PDE7B: variants seen among roughly 807,000 people sequenced by gnomAD.
The protein encoded by PDE7B is 3',5'-cyclic-AMP phosphodiesterase 7B.
Under a neutral mutation model 56.2 loss-of-function variants are expected in PDE7B, and 29 were observed. The observed-to-expected ratio is 0.52, with a 90% CI of 0.38 to 0.70. PDE7B has a LOEUF of 0.70. Ranked by LOEUF, PDE7B falls within the 30% of genes least tolerant of loss-of-function variation. The pLI is 0.00. For synonymous variants in PDE7B, 197 were observed against 196.9 expected (o/e 1.00, Z 0.00); for missense variants, 490 against 565.0 (o/e 0.87, Z 1.35).
chr6:135,861,562 AT>A (rs1375639744), intron 1 of PDE7B, among the ~76,000 whole-genome samples: 2 of 150,480 alleles, frequency 1.3e-5, no homozygotes, highest in Non-Finnish European at 3.0e-5. Context: ...TGTTATATAT[AT>A]TACAAACATT....
At position 136,173,944 on chromosome 6, in the gene PDE7B, T is replaced by G. The variant is rs1778934590; in HGVS notation, c.803+56T>G. ...GTGCATGCAGTAAAGATAAGCCACT[T>G]TCTCTAGGGCAGGCTTGGGACCTTT... On this transcript the variant is annotated intron_variant, in intron 9 of 12. Coordinates refer to ENST00000308191, the MANE Select transcript of PDE7B (RefSeq NM_018945.4). The G allele has an allele frequency of 2.4e-6, 3 of 1,269,014 alleles. No individual in the cohort carries two copies. The Admixed American group carries it at 5.1e-5, about 21-fold the overall frequency. 78.6% of individuals were successfully genotyped at this position (1,269,014 alleles called of 1,614,324 possible).
intron 2 of PDE7B, among the ~76,000 whole-genome samples, chr6:136,049,918 G>A (rs1776594884): frequency 6.7e-6 from 1 of 148,598 alleles, no homozygotes; most frequent in Admixed American, 6.7e-5. Flanking sequence ...ATGGGTCTTT[G>A]AGAGGATCTA....
intron 1 of PDE7B, among the ~76,000 whole-genome samples, chr6:135,889,441 T>C (rs1294103550): frequency 1.2e-5 from 1 of 80,134 alleles, no homozygotes; most frequent in Non-Finnish European, 2.0e-5. Flanking sequence ...GTGCTACCAA[T>C]TTTTTTTTTT....
Position 136,147,488 on chromosome 6 carries a change from C to A in PDE7B, c.304C>A (p.Leu102Ile), listed in dbSNP as rs1412237545. 7 of 1,613,686 alleles carry A rather than the reference C, an allele frequency of 4.3e-6. No individual in the cohort carries two copies. Among genetic ancestry groups the A allele is most frequent in the Non-Finnish European group, 5.9e-6 (7 of 1,179,844 alleles). The change falls in exon 4 of 13, where the codon CTT becomes ATT. Residue 102 changes from leucine (L) to isoleucine (I), a missense_variant. Physicochemically the swap from Leu to Ile is conservative, Grantham distance 5. Coordinates refer to ENST00000308191, the MANE Select transcript of PDE7B (RefSeq NM_018945.4). The part of the protein sequence containing the change: ...APLHLLDEDY[L>I]GQARHMLSKV... ...TCTGCACCTGCTGGATGAAGACTAC[C>A]TTGGACAAGCAAGGGTAAGCTGACT... is the stretch of plus-strand genomic sequence containing the variant.
chr6:136,110,689 T>C (rs1777728577), intron 3 of PDE7B, among the ~76,000 whole-genome samples: 1 of 151,866 alleles, frequency 6.6e-6, no homozygotes, highest in African/African-American at 2.4e-5. Context: ...TATTTAATTA[T>C]CTACATCATA....
intron 1 of PDE7B, among the ~76,000 whole-genome samples, chr6:135,878,380 C>T (rs987268714): frequency 1.3e-5 from 2 of 152,056 alleles, no homozygotes; most frequent in Non-Finnish European, 2.9e-5. Context: ...TACACTTTAA[C>T]TTTATAAAAT....
At chr6:136,048,620 TGAG>T (rs1473920653) in intron 2 of PDE7B, among the ~76,000 whole-genome samples, 2 of 152,168 alleles carry the variant, frequency 1.3e-5, no homozygotes, top group Admixed American at 6.5e-5. Context: ...TCTGTCTTTC[TGAG>T]GAGTTTATCC....
At chr6:136,158,333 T>C (rs1407285397) in intron 8 of PDE7B, among the ~76,000 whole-genome samples, 2 of 152,156 alleles carry the variant, frequency 1.3e-5, no homozygotes, top group Admixed American at 6.5e-5. Context: ...AGAACCATGG[T>C]AATGAATGAA....
chr6:136,178,943 C>T (rs1779020812), intron 9 of PDE7B, 54 bp from the exon 10 acceptor site: 53 of 1,588,390 alleles, frequency 3.3e-5, no homozygotes, highest in Non-Finnish European at 4.4e-5. Context: ...CAATCACCCT[C>T]ATCAAAGGGA....
At chr6:136,095,247 C>A (rs969106096) in intron 2 of PDE7B, among the ~76,000 whole-genome samples, 1 of 152,092 alleles carries the variant, frequency 6.6e-6, no homozygotes, top group African/African-American at 2.4e-5. Flanking sequence ...CACACTTTAA[C>A]ACTGACCTAG....
chr6:136,000,348 T>C (rs9483898), intron 2 of PDE7B, among the ~76,000 whole-genome samples: 1 of 152,112 alleles, frequency 6.6e-6, no homozygotes, highest in Non-Finnish European at 1.5e-5. Context: ...GAATGGTATT[T>C]CTTCGGTTGT....
chr6:136,131,058 C>G (rs1409012760), intron 3 of PDE7B, among the ~76,000 whole-genome samples: 1 of 152,124 alleles, frequency 6.6e-6, no homozygotes, highest in Non-Finnish European at 1.5e-5. Flanking sequence ...CATATCCATT[C>G]TGTATATTCA....
At chr6:135,939,777 T>C (rs1282751542) in intron 1 of PDE7B, among the ~76,000 whole-genome samples, 1 of 152,096 alleles carries the variant, frequency 6.6e-6, no homozygotes, top group East Asian at 1.9e-4. Context: ...CTGGGGGGAT[T>C]CTTTTGGTCA....
At chr6:136,143,530 T>C (rs1422466477) in intron 3 of PDE7B, among the ~76,000 whole-genome samples, 1 of 152,018 alleles carries the variant, frequency 6.6e-6, no homozygotes, top group African/African-American at 2.4e-5. Flanking sequence ...TGAGAAACAA[T>C]ATATCAAAAA....
intron 1 of PDE7B, among the ~76,000 whole-genome samples, chr6:135,922,760 T>G (rs1374079838): frequency 6.6e-6 from 1 of 152,184 alleles, no homozygotes; most frequent in Non-Finnish European, 1.5e-5. Context: ...AGAAACAGTC[T>G]ATGTTAAGTC....
intron 2 of PDE7B, among the ~76,000 whole-genome samples, chr6:136,001,450 G>GA (rs1288403352): frequency 2.0e-5 from 3 of 152,020 alleles, no homozygotes; most frequent in Admixed American, 6.5e-5. Context: ...TGAAAACTTT[G>GA]AAAAAAATTT....
At chr6:135,875,078 CT>C (rs1414879413) in intron 1 of PDE7B, among the ~76,000 whole-genome samples, 2 of 151,698 alleles carry the variant, frequency 1.3e-5, no homozygotes, top group African/African-American at 2.4e-5. Context: ...CCTGATAGAT[CT>C]TTTTTATCCT....
chr6:135,924,034 T>G (rs1774138677), intron 1 of PDE7B, among the ~76,000 whole-genome samples: 2 of 152,214 alleles, frequency 1.3e-5, no homozygotes, highest in Non-Finnish European at 2.9e-5. Context: ...TTGACAAATT[T>G]TTTTAAATGT....
intron 1 of PDE7B, among the ~76,000 whole-genome samples, chr6:135,869,143 G>A (rs1031768489): frequency 6.6e-6 from 1 of 152,122 alleles, no homozygotes; most frequent in Admixed American, 6.6e-5. Context: ...TTAATTAATA[G>A]AATCTAAAAT....
Sources: allele counts gnomAD v4.1 joint callset (sites outside exome capture counted in the v4.1 genomes callset), GRCh38; gene constraint gnomAD v4.1.1; transcripts MANE v1.5; gene names NCBI Gene and HGNC (gene_info 2026-07-23, HGNC 2026-07-21).